Variants in FAAH2 observed in about 807,000 individuals in gnomAD.
FAAH2 encodes fatty-acid amide hydrolase 2.
A neutral mutation model predicts 36.9 loss-of-function variants in FAAH2; 60 were observed. The observed-to-expected ratio is 1.63, with a 90% CI of 1.32 to 2.02. The LOEUF is 2.02. FAAH2 is among the 30% of genes most tolerant of loss of function. FAAH2 has a pLI of 0.00. For synonymous variants in FAAH2, 214 were observed against 143.8 expected (o/e 1.49, Z -3.49); for missense variants, 689 against 397.5 (o/e 1.73, Z -6.23).
At chrX:57,170,647 ACCTGTGGTGTAGAT>A in the FAAH2 span, among the ~76,000 whole-genome samples, 485 of 107,504 alleles carry the variant, frequency 4.5e-3, 3 homozygotes, top group African/African-American at 0.016. Context: ...GTTTTTGCAA[ACCTGTGGTGTAGAT>A]CCTACTTATA....
chrX:57,310,799 T>G, intron 3 of FAAH2, 70 bp downstream of exon 3: 1 of 1,068,848 alleles, frequency 9.4e-7, no homozygotes, highest in Non-Finnish European at 1.3e-6. Flanking sequence ...ACTTATAAAC[T>G]AAAAAGGATG....
chrX:57,367,732 T>C (rs2054452954), intron 5 of FAAH2, among the ~76,000 whole-genome samples: 1 of 111,797 alleles, frequency 8.9e-6, no homozygotes, highest in African/African-American at 3.3e-5. Context: ...GACTTCCCTC[T>C]GCACCAGAAA....
the FAAH2 span, among the ~76,000 whole-genome samples, chrX:57,125,635 A>G: frequency 1.8e-5 from 2 of 111,509 alleles, no homozygotes; most frequent in South Asian, 3.7e-4. Context: ...ATTATTTCGT[A>G]TTTCTCAGCT....
the FAAH2 span, among the ~76,000 whole-genome samples, chrX:57,166,072 G>A: frequency 7.2e-5 from 8 of 110,725 alleles, no homozygotes; most frequent in Non-Finnish European, 1.3e-4. Flanking sequence ...ACAGGCATCA[G>A]CAACCACCGA....
At chrX:57,381,530 C>T in intron 7 of FAAH2, 1 of 682,300 alleles carries the variant, frequency 1.5e-6, no homozygotes, top group African/African-American at 2.3e-5. Context: ...AACTACTATT[C>T]AATGTAATAA....
At chrX:57,361,302 T>C (rs948818228) in intron 5 of FAAH2, among the ~76,000 whole-genome samples, 3 of 111,230 alleles carry the variant, frequency 2.7e-5, no homozygotes, top group Non-Finnish European at 3.8e-5. Context: ...TTATTCATAA[T>C]AACTTCTTTC....
At chrX:57,189,282 T>C in the FAAH2 span, among the ~76,000 whole-genome samples, 2 of 110,319 alleles carry the variant, frequency 1.8e-5, no homozygotes, top group Non-Finnish European at 3.8e-5. Context: ...AGTTAGCATT[T>C]CCTGTAACCT....
At chrX:57,439,229 G>T (rs1194355565) in intron 8 of FAAH2, among the ~76,000 whole-genome samples, 1 of 109,458 alleles carries the variant, frequency 9.1e-6, no homozygotes, top group South Asian at 4.0e-4. Context: ...CAGTGTAAAA[G>T]TGTTCCTATT....
intron 8 of FAAH2, among the ~76,000 whole-genome samples, chrX:57,440,070 G>C (rs1215622228): frequency 9.0e-6 from 1 of 111,698 alleles, no homozygotes; most frequent in Non-Finnish European, 1.9e-5. Context: ...GCTTAGGATT[G>C]ACTTGGTGAT....
intron 7 of FAAH2, among the ~76,000 whole-genome samples, chrX:57,414,529 T>G (rs757411096): frequency 8.9e-6 from 1 of 111,936 alleles, no homozygotes; most frequent in Non-Finnish European, 1.9e-5. Flanking sequence ...TATTGATTTG[T>G]GTATATTGGA....
chrX:57,307,820 A>G (rs1487224206), intron 2 of FAAH2, among the ~76,000 whole-genome samples: 2 of 110,386 alleles, frequency 1.8e-5, no homozygotes, highest in Non-Finnish European at 3.8e-5. Context: ...CCCAGTGTCT[A>G]TTGTTGCTAT....
chrX:57,231,942 G>A, the FAAH2 span, among the ~76,000 whole-genome samples: 1 of 111,227 alleles, frequency 9.0e-6, no homozygotes, highest in Admixed American at 9.6e-5. Context: ...TTTGTGACCA[G>A]GATCTACTTT....
intron 7 of FAAH2, among the ~76,000 whole-genome samples, chrX:57,423,550 G>A (rs775239802): frequency 3.0e-4 from 34 of 111,911 alleles, no homozygotes; most frequent in African/African-American, 1.1e-3. Flanking sequence ...TTGAGAGTGT[G>A]GAAGCAATGT....
At chrX:57,137,366 G>A in the FAAH2 span, 7 of 754,311 alleles carry the variant, frequency 9.3e-6, no homozygotes, top group Non-Finnish European at 1.1e-5. Context: ...GATGAGGAGC[G>A]TGTGTAGGAG....
chrX:57,368,955 A>T, intron 5 of FAAH2, among the ~76,000 whole-genome samples: 1 of 110,045 alleles, frequency 9.1e-6, no homozygotes, highest in South Asian at 3.9e-4. Flanking sequence ...AAGAGTACAC[A>T]GACACACACT....
intron 3 of FAAH2, among the ~76,000 whole-genome samples, chrX:57,324,688 T>A (rs190021372): frequency 4.4e-4 from 49 of 112,349 alleles, no homozygotes; most frequent in African/African-American, 1.6e-3. Context: ...GCACATTGAT[T>A]TTATATCCTG....
At chrX:57,149,747 G>A in the FAAH2 span, among the ~76,000 whole-genome samples, 1 of 109,300 alleles carries the variant, frequency 9.1e-6, no homozygotes, top group Non-Finnish European at 1.9e-5. Context: ...ATTTTTTTTT[G>A]TCTCTATTTG....
the FAAH2 span, among the ~76,000 whole-genome samples, chrX:57,159,309 A>G: frequency 9.0e-6 from 1 of 111,724 alleles, no homozygotes; most frequent in Non-Finnish European, 1.9e-5. Context: ...CTTAGGATTG[A>G]CTTGGCTATG....
chrX:57,453,049 T>C (rs937803618), intron 10 of FAAH2, among the ~76,000 whole-genome samples: 1 of 111,720 alleles, frequency 9.0e-6, no homozygotes. Context: ...ACAGCTTCCA[T>C]TACCTGTGGC....
Sources: allele counts gnomAD v4.1 joint callset (sites outside exome capture counted in the v4.1 genomes callset), GRCh38; gene constraint gnomAD v4.1.1; transcripts MANE v1.5; gene names NCBI Gene and HGNC (gene_info 2026-07-23, HGNC 2026-07-21).